Variants in RTN4RL1 observed in about 807,000 individuals in gnomAD.
The protein encoded by RTN4RL1 is reticulon-4 receptor-like 1.
A neutral mutation model predicts 25.6 loss-of-function variants in RTN4RL1; 7 were observed. The observed-to-expected ratio is 0.27, with a 90% CI of 0.16 to 0.51. The LOEUF (loss-of-function observed/expected upper bound fraction) is 0.51. Ranked by LOEUF, RTN4RL1 falls within the 20% of genes least tolerant of loss-of-function variation. RTN4RL1 has a pLI of 0.97. For synonymous variants in RTN4RL1, 297 were observed against 288.2 expected (o/e 1.03, Z -0.31); for missense variants, 500 against 615.6 (o/e 0.81, Z 1.99).
At position 1,938,816 on chromosome 17, in the gene RTN4RL1, C is replaced by T. The variant is rs569153104; in HGVS notation, c.14-1008G>A. Among the ~76,000 whole-genome samples, 266 of 151,322 alleles carry T rather than the reference C, an allele frequency of 1.8e-3. 2 individuals carry two copies. The highest frequency in any genetic ancestry group is 6.2e-3 in the African/African-American group (256 of 41,314). On this transcript the variant is annotated intron_variant, in intron 1 of 1. Coordinates refer to ENST00000331238, the MANE Select transcript of RTN4RL1 (RefSeq NM_178568.4). The stretch of plus-strand genomic sequence containing the variant: ...CTGTAATCCCAACACTTTGGGAAGC[C>T]GAGGCAGGCGGATCACCTGAGGTCA...
Position 1,936,098 on chromosome 17 carries a change from C to G in RTN4RL1, c.*398G>C. 9.8e-7 allele frequency: 1 copy of G among 1,018,542 alleles called. No homozygotes were observed. The highest frequency in any genetic ancestry group is 1.2e-6 in the Non-Finnish European group (1 of 851,360). 63.1% of individuals were successfully genotyped at this position (1,018,542 alleles called of 1,614,324 possible). A position where few individuals can be genotyped will look rare whatever the true frequency, so the allele number is the denominator to read the frequency against. On this transcript the variant is annotated 3_prime_UTR_variant, in exon 2 of 2. Transcript: ENST00000331238. ...AGCCTCATTTGTTCTTCTCTGCGTC[C>G]TGCTTTCTCCAGGAACCACGGGGCC...
chr17:1,938,292 T>C (rs554957960), intron 1 of RTN4RL1, among the ~76,000 whole-genome samples: 5 of 152,280 alleles, frequency 3.3e-5, no homozygotes, highest in Admixed American at 1.3e-4. Flanking sequence ...TTATTTATTT[T>C]TATTTTTTAT....
At chr17:2,015,949 G>C (rs1198388791) in intron 1 of RTN4RL1, among the ~76,000 whole-genome samples, 2 of 152,184 alleles carry the variant, frequency 1.3e-5, no homozygotes, top group Non-Finnish European at 2.9e-5. Context: ...GGACTCCAGA[G>C]CCTCCAAGCT....
rs545093574 is a variant in RTN4RL1 at position 1,946,957 on chromosome 17, CTG to C, written c.14-9151_14-9150del. Among the ~76,000 whole-genome samples the C allele has an allele frequency of 2.2e-3, 300 of 136,170 alleles. 2 individuals carry two copies. The highest frequency in any genetic ancestry group is 7.8e-3 in the African/African-American group (286 of 36,490). The allele number at this position is 136,170 out of a possible 152,430, so 89.3% of individuals were successfully genotyped here. On this transcript the variant is annotated intron_variant, in intron 1 of 1. Coordinates refer to ENST00000331238, the MANE Select transcript of RTN4RL1 (RefSeq NM_178568.4). ...GTGTGAATGTGTGTGTGCACGGGGT[CTG>C]TGTGCGTCTCTGTGTGAATGTGTGT...
At chr17:1,944,519 G>A (rs1418443417) in intron 1 of RTN4RL1, among the ~76,000 whole-genome samples, 3 of 152,040 alleles carry the variant, frequency 2.0e-5, no homozygotes, top group Non-Finnish European at 4.4e-5. Flanking sequence ...GCAGTGGTGC[G>A]ATCTCGGCTC....
chr17:1,991,446 T>TAAAAAAAAAAAAAAA (rs764604442), intron 1 of RTN4RL1, among the ~76,000 whole-genome samples: 1 of 31,250 alleles, frequency 3.2e-5, no homozygotes, highest in Non-Finnish European at 7.3e-5. Context: ...ATGCACATAG[T>TAAAAAAAAAAAAAAA]AAAAAAAAAA....
chr17:1,941,613 G>T (rs970321474), intron 1 of RTN4RL1, among the ~76,000 whole-genome samples: 2 of 152,134 alleles, frequency 1.3e-5, no homozygotes, highest in Non-Finnish European at 2.9e-5. Flanking sequence ...CGGTGGGGGG[G>T]GATCCGAGCC....
At chr17:1,974,355 C>T (rs1770737279) in intron 1 of RTN4RL1, among the ~76,000 whole-genome samples, 1 of 152,158 alleles carries the variant, frequency 6.6e-6, no homozygotes, top group African/African-American at 2.4e-5. Context: ...TGTGTCATTG[C>T]ACTCCAGCCT....
intron 1 of RTN4RL1, among the ~76,000 whole-genome samples, chr17:2,004,618 T>G (rs1467154956): frequency 6.6e-6 from 1 of 152,110 alleles, no homozygotes; most frequent in African/African-American, 2.4e-5. Context: ...GAAACCACTT[T>G]AAAATGCTTC....
intron 1 of RTN4RL1, among the ~76,000 whole-genome samples, chr17:1,971,105 A>G (rs1445027553): frequency 1.3e-5 from 2 of 152,168 alleles, no homozygotes; most frequent in Non-Finnish European, 2.9e-5. Flanking sequence ...CCCCACCCAG[A>G]TCTCATCCCT....
intron 1 of RTN4RL1, among the ~76,000 whole-genome samples, chr17:1,977,905 C>T (rs2066849894): frequency 6.7e-6 from 1 of 150,326 alleles, no homozygotes; most frequent in African/African-American, 2.4e-5. Context: ...GCATCCCGCA[C>T]CTGCATCGGA....
chr17:1,951,597 C>G (rs1915681536), intron 1 of RTN4RL1, among the ~76,000 whole-genome samples: 1 of 152,030 alleles, frequency 6.6e-6, no homozygotes, highest in East Asian at 1.9e-4. Flanking sequence ...ATTACAGGCA[C>G]ACGCCACCAC....
At chr17:1,938,304 G>T (rs1915357487) in intron 1 of RTN4RL1, among the ~76,000 whole-genome samples, 1 of 151,884 alleles carries the variant, frequency 6.6e-6, no homozygotes, top group South Asian at 2.1e-4. Context: ...ATTTTTTATT[G>T]AATTTAATTT....
intron 1 of RTN4RL1, among the ~76,000 whole-genome samples, chr17:1,943,812 T>C (rs949828454): frequency 6.6e-5 from 10 of 152,154 alleles, no homozygotes; most frequent in Non-Finnish European, 2.9e-5. Context: ...TGGGCTTCCC[T>C]CGTCCTATTG....
intron 1 of RTN4RL1, chr17:1,995,682 G>A (rs1045440410): frequency 6.6e-6 from 1 of 152,168 alleles, no homozygotes; most frequent in South Asian, 2.1e-4. Flanking sequence ...CAGATGGCTC[G>A]CTGCAAGATC....
intron 1 of RTN4RL1, among the ~76,000 whole-genome samples, chr17:1,995,981 A>G (rs531097735): frequency 2.4e-4 from 37 of 152,262 alleles, no homozygotes; most frequent in South Asian, 1.2e-3. Context: ...TGGCGATAAC[A>G]CTGGTGTAGG....
At chr17:1,952,331 GGTTTT>G (rs1915700535) in intron 1 of RTN4RL1, among the ~76,000 whole-genome samples, 1 of 99,774 alleles carries the variant, frequency 1.0e-5, no homozygotes, top group Admixed American at 1.0e-4. Context: ...AAGGGAGGTT[GGTTTT>G]TTTTTTTTTT....
chr17:1,996,165 A>C (rs1478340817), intron 1 of RTN4RL1, among the ~76,000 whole-genome samples: 2 of 152,046 alleles, frequency 1.3e-5, no homozygotes, highest in Non-Finnish European at 2.9e-5. Context: ...GTGCCTTTTG[A>C]TGTGTTTCCT....
At position 2,006,273 on chromosome 17, in the gene RTN4RL1, T is replaced by C. The variant is rs560120049; in HGVS notation, c.13+18580A>G. Among the ~76,000 whole-genome samples the C allele has an allele frequency of 1.3e-3, 205 of 152,060 alleles. 1 individual carries two copies. The highest frequency in any genetic ancestry group is 4.7e-3 in the African/African-American group (195 of 41,464). ...CCCAGGTTCAAGCAATTCTCAAGCT[T>C]CAGCCTCCCAAGTAGCTGGGATTAC... On this transcript the variant is annotated intron_variant, in intron 1 of 1. Transcript: ENST00000331238.
Sources: allele counts gnomAD v4.1 joint callset (sites outside exome capture counted in the v4.1 genomes callset), GRCh38; gene constraint gnomAD v4.1.1; transcripts MANE v1.5; gene names NCBI Gene and HGNC (gene_info 2026-07-23, HGNC 2026-07-21).